Variants in B3GLCT observed in about 807,000 individuals in gnomAD.
The protein encoded by B3GLCT is beta-1,3-glucosyltransferase.
A neutral mutation model predicts 63.4 loss-of-function variants in B3GLCT; 65 were observed. The observed-to-expected ratio is 1.03, with a 90% CI of 0.84 to 1.26. B3GLCT has a LOEUF of 1.26. B3GLCT is among the 50% of genes most tolerant of loss of function. B3GLCT has a pLI of 0.00. For synonymous variants in B3GLCT, 233 were observed against 219.2 expected, an observed-to-expected ratio of 1.06 and a Z score of -0.55; for missense variants, 577 against 604.8, an observed-to-expected ratio of 0.95 and a Z score of 0.48.
intron 12 of B3GLCT, among the ~76,000 whole-genome samples, chr13:31,316,825 C>T (rs1875059577): frequency 6.6e-6 from 1 of 152,116 alleles, no homozygotes; most frequent in African/African-American, 2.4e-5. Flanking sequence ...ACAGCAGCTG[C>T]AGTTGCAGGC....
intron 6 of B3GLCT, among the ~76,000 whole-genome samples, chr13:31,257,893 G>A (rs1315392741): frequency 6.6e-6 from 1 of 152,152 alleles, no homozygotes; most frequent in Non-Finnish European, 1.5e-5. Context: ...AGGTGTACTG[G>A]AGATATAGCA....
chr13:31,253,595 CAAAA>C (rs35512327), intron 6 of B3GLCT, among the ~76,000 whole-genome samples: 3 of 18,418 alleles, frequency 1.6e-4, no homozygotes, highest in African/African-American at 3.2e-4. Flanking sequence ...GACTCCATCT[CAAAA>C]AAAAAAAAAA....
chr13:31,286,632 G>T, intron 11 of B3GLCT, 88 bp from the exon 12 acceptor site: 3 of 969,422 alleles, frequency 3.1e-6, no homozygotes, highest in Middle Eastern at 3.1e-4. Context: ...TAAGCTCTTA[G>T]AACACTTCAA....
chr13:31,288,882 A>C (rs368070472), intron 12 of B3GLCT, among the ~76,000 whole-genome samples: 2 of 152,146 alleles, frequency 1.3e-5, no homozygotes, highest in African/African-American at 4.8e-5. Flanking sequence ...ATTTTCTGGG[A>C]ACAGATCCCA....
At chr13:31,237,947 G>A (rs1030228169) in intron 4 of B3GLCT, among the ~76,000 whole-genome samples, 1 of 152,128 alleles carries the variant, frequency 6.6e-6, no homozygotes, top group African/African-American at 2.4e-5. Context: ...ATGAACATTC[G>A]TAAAAGTTGC....
At chr13:31,242,847 C>G (rs1398398737) in intron 4 of B3GLCT, among the ~76,000 whole-genome samples, 1 of 152,136 alleles carries the variant, frequency 6.6e-6, no homozygotes, top group African/African-American at 2.4e-5. Context: ...AGACAGGTAT[C>G]TAGAAAAATC....
Position 31,239,359 on chromosome 13 carries a change from T to G in B3GLCT, c.271-7664T>G, listed in dbSNP as rs1870817604. Among the ~76,000 whole-genome samples, 4 of 152,104 alleles carry G rather than the reference T, an allele frequency of 2.6e-5. No homozygotes were observed. In the South Asian group the frequency reaches 8.3e-4, roughly 32 times the overall value. The stretch of plus-strand genomic sequence containing the variant: ...AATGTGAAGTGATCGAGACTGACTA[T>G]TTAAAGAGGTATGCAAACAAAAAGC... On this transcript the variant is annotated intron_variant, in intron 4 of 14. Coordinates refer to ENST00000343307, the MANE Select transcript of B3GLCT (RefSeq NM_194318.4).
intron 4 of B3GLCT, among the ~76,000 whole-genome samples, chr13:31,242,043 A>G (rs544590954): frequency 6.6e-6 from 1 of 152,176 alleles, no homozygotes; most frequent in African/African-American, 2.4e-5. Context: ...CAGCTCATTT[A>G]ACTCTATGAA....
In B3GLCT at chr13:31,285,850, C is replaced by T. The variant is rs116405625; in HGVS notation, c.965-870C>T. 5.5e-3 allele frequency among the ~76,000 whole-genome samples: 834 copies of T among 152,038 alleles called. 11 individuals are homozygous for T. Among genetic ancestry groups the T allele is most frequent in the African/African-American group, 0.019 (801 of 41,440 alleles). ...TTTAATAATCATGTATTTACTTATA[C>T]CTTATTTGATGTCTTCATTACTAGT... On this transcript the variant is annotated intron_variant, in intron 11 of 14. Transcript: ENST00000343307.
At chr13:31,313,230 G>A (rs564839523) in intron 12 of B3GLCT, among the ~76,000 whole-genome samples, 1 of 152,324 alleles carries the variant, frequency 6.6e-6, no homozygotes, top group South Asian at 2.1e-4. Flanking sequence ...AATGAGACCA[G>A]AACTGTTAAT....
At chr13:31,289,440 A>G (rs1352844721) in intron 12 of B3GLCT, among the ~76,000 whole-genome samples, 1 of 152,118 alleles carries the variant, frequency 6.6e-6, no homozygotes, top group Non-Finnish European at 1.5e-5. Context: ...CACATGGCAT[A>G]TTAGGACTTC....
At chr13:31,271,346 A>C (rs531324435) in intron 8 of B3GLCT, among the ~76,000 whole-genome samples, 1 of 152,316 alleles carries the variant, frequency 6.6e-6, no homozygotes, top group South Asian at 2.1e-4. Flanking sequence ...ATATGACCAT[A>C]ATAATTTATT....
chr13:31,279,355 C>G (rs192820754), intron 10 of B3GLCT, among the ~76,000 whole-genome samples: 43 of 152,068 alleles, frequency 2.8e-4, no homozygotes, highest in African/African-American at 1.0e-3. Context: ...CAATATTCAA[C>G]GTGAGTCCTT....
chr13:31,254,929 C>T (rs1053640147), intron 6 of B3GLCT, among the ~76,000 whole-genome samples: 1 of 151,374 alleles, frequency 6.6e-6, no homozygotes, highest in Admixed American at 6.6e-5. Flanking sequence ...CCCAGCTACT[C>T]GGGAGGCTGA....
At chr13:31,202,182 ATAGTT>A (rs1286475905) in intron 1 of B3GLCT, among the ~76,000 whole-genome samples, 1 of 152,202 alleles carries the variant, frequency 6.6e-6, no homozygotes, top group Admixed American at 6.5e-5. Context: ...GCCTGACTAT[ATAGTT>A]TAGTTTCCCC....
At chr13:31,295,713 G>A (rs1873902360) in intron 12 of B3GLCT, among the ~76,000 whole-genome samples, 1 of 152,208 alleles carries the variant, frequency 6.6e-6, no homozygotes, top group African/African-American at 2.4e-5. Context: ...TGTGCTGGCA[G>A]CGAGGATTTC....
chr13:31,316,682 G>GA (rs1875052100), intron 12 of B3GLCT, among the ~76,000 whole-genome samples: 1 of 151,790 alleles, frequency 6.6e-6, no homozygotes, highest in African/African-American at 2.4e-5. Context: ...CTTATAGGTG[G>GA]AAGGGACGTT....
At chr13:31,314,314 G>A (rs943728349) in intron 12 of B3GLCT, among the ~76,000 whole-genome samples, 10 of 152,176 alleles carry the variant, frequency 6.6e-5, no homozygotes, top group Admixed American at 1.3e-4. Context: ...TGGAAGAGCC[G>A]CAGACACTCA....
chr13:31,206,955 T>C (rs1593243259), intron 1 of B3GLCT, among the ~76,000 whole-genome samples: 2 of 152,152 alleles, frequency 1.3e-5, no homozygotes, highest in African/African-American at 4.8e-5. Flanking sequence ...GAGACCATAG[T>C]CCGTGGAGCA....
Sources: allele counts gnomAD v4.1 joint callset (sites outside exome capture counted in the v4.1 genomes callset), GRCh38; gene constraint gnomAD v4.1.1; transcripts MANE v1.5; gene names NCBI Gene and HGNC (gene_info 2026-07-23, HGNC 2026-07-21).